SIPA1L2: variants seen among roughly 807,000 people sequenced by gnomAD.
SIPA1L2 encodes the protein signal induced proliferation associated 1 like 2, also known as signal-induced proliferation-associated 1-like protein 2.
A neutral mutation model predicts 163.9 loss-of-function variants in SIPA1L2; 56 were observed. The observed-to-expected ratio is 0.34, with a 90% CI of 0.28 to 0.43. The LOEUF (loss-of-function observed/expected upper bound fraction) is 0.43. SIPA1L2 is among the 20% of genes least tolerant of loss of function. The pLI is 1.00. For synonymous variants in SIPA1L2, 877 were observed against 865.7 expected (o/e 1.01, Z -0.23); for missense variants, 1,974 against 2,193.5 (o/e 0.90, Z 2.00).
At chr1:232,460,050 G>A (rs1413457449) in intron 10 of SIPA1L2, among the ~76,000 whole-genome samples, 4 of 152,106 alleles carry the variant, frequency 2.6e-5, no homozygotes, top group Non-Finnish European at 4.4e-5. Context: ...GAGCTCTTAA[G>A]GCTGCCTGTA....
Position 232,572,427 on chromosome 1 carries a change from T to G in SIPA1L2, c.-270+1747A>C, listed in dbSNP as rs145845165. 6.4e-3 allele frequency among the ~76,000 whole-genome samples: 970 copies of G among 152,196 alleles called. 23 individuals are homozygous for G. Among genetic ancestry groups the G allele is most frequent in the Admixed American group, 0.027 (420 of 15,284 alleles). On this transcript the variant is annotated intron_variant, in intron 2 of 22. Coordinates refer to ENST00000674635, the MANE Select transcript of SIPA1L2 (RefSeq NM_020808.5). ...TTTACTCAGTCTCAACGGTTTTCAT[T>G]AGCACTTCAGCCAAGTCTCTTGATT...
intron 1 of SIPA1L2, among the ~76,000 whole-genome samples, chr1:232,618,845 C>T (rs1237696016): frequency 6.6e-6 from 1 of 152,072 alleles, no homozygotes; most frequent in Non-Finnish European, 1.5e-5. Flanking sequence ...TATACCAAAA[C>T]GTCATTTATA....
chr1:232,470,027 A>ATT (rs1664723436), intron 8 of SIPA1L2, among the ~76,000 whole-genome samples: 1 of 152,116 alleles, frequency 6.6e-6, no homozygotes, highest in South Asian at 2.1e-4. Context: ...CACCAAATAC[A>ATT]ATACGATAAA....
rs1307515862 is a variant in SIPA1L2, at chr1:232,564,145, T to TCGTGTGTGTGTG, written c.-270+10028_-270+10029insCACACACACACG. Among the ~76,000 whole-genome samples, 11 of 64,168 alleles carry TCGTGTGTGTGTG rather than the reference T, an allele frequency of 1.7e-4. 1 individual carries two copies. Among genetic ancestry groups the TCGTGTGTGTGTG allele is most frequent in the African/African-American group, 1.1e-3 (11 of 10,236 alleles). 42.1% of individuals were successfully genotyped at this position (64,168 alleles called of 152,430 possible). ...GAACGACGAAGGTTGTTTTTTTTTTTTTTCGTGTGTGTGTGTGTGTGTGTG... is the reference window on the plus strand; with the variant it reads ...GAACGACGAAGGTTGTTTTTTTTTTTCGTGTGTGTGTGTTTCGTGTGTGTGTGTGTGTGTGTG... On this transcript the variant is annotated intron_variant, in intron 2 of 22. Coordinates refer to ENST00000674635, the MANE Select transcript of SIPA1L2 (RefSeq NM_020808.5).
At chr1:232,436,836 C>T (rs1662594821) in intron 15 of SIPA1L2, among the ~76,000 whole-genome samples, 1 of 152,192 alleles carries the variant, frequency 6.6e-6, no homozygotes, top group African/African-American at 2.4e-5. Context: ...CATTCAATGA[C>T]TGAATTCCAT....
intron 1 of SIPA1L2, among the ~76,000 whole-genome samples, chr1:232,578,804 G>T (rs963527574): frequency 1.3e-5 from 2 of 152,154 alleles, no homozygotes; most frequent in Non-Finnish European, 2.9e-5. Context: ...TTACTGACAG[G>T]AAAGGAAACC....
chr1:232,429,053 T>C (rs1237310962), intron 16 of SIPA1L2, among the ~76,000 whole-genome samples: 1 of 152,184 alleles, frequency 6.6e-6, no homozygotes, highest in African/African-American at 2.4e-5. Context: ...CATGTTTTAT[T>C]ATCAGCAATT....
chr1:232,403,475 C>A lies in SIPA1L2; in HGVS notation c.4913G>T (p.Ser1638Ile). 1.2e-6 allele frequency: 2 copies of A among 1,611,340 alleles called. No homozygotes were observed. Among genetic ancestry groups the A allele is most frequent in the Non-Finnish European group, 1.7e-6 (2 of 1,179,012 alleles). Residue 1638 changes from serine (S) to isoleucine (I), a missense_variant, in exon 21 of 23, where the codon AGT becomes ATT. Physicochemically the swap from Ser to Ile is moderately radical, Grantham distance 142. Coordinates refer to ENST00000674635, the MANE Select transcript of SIPA1L2 (RefSeq NM_020808.5). Reference sequence around the variant, plus strand: ...AGTTGTGTCCATGAACTCTTTGCCACTGCCTGGATCTACACATAAGGGCAG... The same window carrying A: ...AGTTGTGTCCATGAACTCTTTGCCAATGCCTGGATCTACACATAAGGGCAG... Reference protein sequence around the residue: ...QELPLCVDPGSGKEFMDTTGE... With the variant: ...QELPLCVDPGIGKEFMDTTGE...
chr1:232,409,739 CTGCAGCTGCA>C (rs1420983631), intron 19 of SIPA1L2, among the ~76,000 whole-genome samples: 1 of 144,610 alleles, frequency 6.9e-6, no homozygotes, highest in Non-Finnish European at 1.5e-5. Context: ...TCCAGCTGAG[CTGCAGCTGCA>C]TGCAGCTGCC....
intron 10 of SIPA1L2, among the ~76,000 whole-genome samples, chr1:232,450,804 CT>C (rs1454597939): frequency 1.3e-5 from 2 of 152,104 alleles, no homozygotes; most frequent in Admixed American, 1.3e-4. Context: ...TATAATTTAG[CT>C]TGAGGCTTGG....
At chr1:232,541,935 A>ATC (rs59407464) in intron 2 of SIPA1L2, among the ~76,000 whole-genome samples, 2,417 of 148,282 alleles carry the variant, frequency 0.016, 25 homozygotes, top group Non-Finnish European at 0.019. Context: ...TGAGCCTTAA[A>ATC]TCTCTCTCTC....
chr1:232,576,272 A>C (rs912882953), intron 1 of SIPA1L2, among the ~76,000 whole-genome samples: 5 of 152,188 alleles, frequency 3.3e-5, no homozygotes, highest in African/African-American at 1.2e-4. Context: ...ACCATTTTTT[A>C]AGTGCTCATT....
At chr1:232,617,239 C>A (rs1662548586) in intron 1 of SIPA1L2, among the ~76,000 whole-genome samples, 2 of 152,188 alleles carry the variant, frequency 1.3e-5, no homozygotes. Context: ...CTGGCCTGAG[C>A]CAGGCCCGCA....
chr1:232,439,326 G>T lies in SIPA1L2; in HGVS notation c.3813C>A (p.Pro1271=), dbSNP rs180902136. The T allele has an allele frequency of 3.0e-5, 48 of 1,614,216 alleles. No individual in the cohort carries two copies. In the Admixed American group the frequency reaches 6.3e-4, roughly 21 times the overall value. The change falls in exon 15 of 23, where the codon CCC becomes CCA. Residue 1271 remains proline (P), a synonymous_variant. Coordinates refer to ENST00000674635, the MANE Select transcript of SIPA1L2 (RefSeq NM_020808.5). The part of the protein sequence containing the change: ...ASTDSGIDTA[P]CMPATILGPV... ...GGCCGAGGATGGTGGCAGGCATGCA[G>T]GGGGCCGTGTCGATGCCACTGTCGG...
chr1:232,536,348 T>A (rs1327977996), intron 2 of SIPA1L2, among the ~76,000 whole-genome samples: 1 of 152,184 alleles, frequency 6.6e-6, no homozygotes, highest in Admixed American at 6.5e-5. Context: ...GCAAAACACC[T>A]TTAAGGAAAA....
At chr1:232,481,808 C>A (rs971394642) in intron 6 of SIPA1L2, among the ~76,000 whole-genome samples, 17 of 152,170 alleles carry the variant, frequency 1.1e-4, no homozygotes, top group African/African-American at 3.6e-4. Context: ...AGAGAGAAAA[C>A]CCATTTCAGA....
chr1:232,627,032 T>C (rs61823311), intron 1 of SIPA1L2, among the ~76,000 whole-genome samples: 24,958 of 151,940 alleles, frequency 0.16, 2,694 homozygotes, highest in African/African-American at 0.31. Flanking sequence ...TTGTATTTCA[T>C]TGAAGTTCAA....
At chr1:232,481,327 T>C (rs910243136) in intron 6 of SIPA1L2, among the ~76,000 whole-genome samples, 1 of 152,098 alleles carries the variant, frequency 6.6e-6, no homozygotes, top group Non-Finnish European at 1.5e-5. Flanking sequence ...AACCAAAGGC[T>C]GGATGATGAG....
At chr1:232,561,935 A>G (rs961872788) in intron 2 of SIPA1L2, among the ~76,000 whole-genome samples, 1 of 152,210 alleles carries the variant, frequency 6.6e-6, no homozygotes, top group Non-Finnish European at 1.5e-5. Context: ...AACCTTTTCC[A>G]GGGCCAGAGG....
Sources: gnomAD v4.1 joint callset for allele counts (sites outside exome capture counted in the v4.1 genomes callset) on GRCh38, gnomAD v4.1.1 for gene constraint, MANE v1.5 for transcripts, NCBI Gene and HGNC (gene_info 2026-07-23, HGNC 2026-07-21) for gene names.